Variants in DAB1 observed in about 807,000 individuals in gnomAD.
DAB1 encodes DAB adaptor protein 1.
A neutral mutation model predicts 64.6 loss-of-function variants in DAB1; 15 were observed. That is an observed-to-expected ratio of 0.23 (90% CI 0.16 to 0.36). DAB1 has a LOEUF of 0.36. DAB1 is among the 10% of genes least tolerant of loss of function. The pLI, the probability that DAB1 is intolerant of heterozygous loss-of-function variation, is 1.00. For missense variants in DAB1, 596 were observed against 706.7 expected, an observed-to-expected ratio of 0.84 and a Z score of 1.78; for synonymous variants, 235 against 251.9, an observed-to-expected ratio of 0.93 and a Z score of 0.64.
chr1:58,198,112 T>G (rs543286653), intron 4 of DAB1, among the ~76,000 whole-genome samples: 32 of 152,146 alleles, frequency 2.1e-4, no homozygotes, highest in African/African-American at 7.7e-4. Flanking sequence ...GCTGATAGAG[T>G]TCATCAAGAA....
chr1:58,309,928 C>T (rs1445029509), intron 4 of DAB1, among the ~76,000 whole-genome samples: 1 of 152,150 alleles, frequency 6.6e-6, no homozygotes, highest in Non-Finnish European at 1.5e-5. Flanking sequence ...GTTGAACTGG[C>T]AGACAGCTGG....
chr1:58,431,344 T>G (rs35066974), intron 3 of DAB1, among the ~76,000 whole-genome samples: 30,786 of 152,014 alleles, frequency 0.2, 3,560 homozygotes, highest in Middle Eastern at 0.28. Context: ...TGGATCACTA[T>G]GTCAAGAGAT....
intron 4 of DAB1, among the ~76,000 whole-genome samples, chr1:57,075,752 G>T (rs562016624): frequency 6.6e-6 from 1 of 152,162 alleles, no homozygotes; most frequent in Non-Finnish European, 1.5e-5. Flanking sequence ...AGATTGAAAC[G>T]CCAGGACCAA....
chr1:57,287,998 G>A (rs1207598315), intron 2 of DAB1, among the ~76,000 whole-genome samples: 1 of 152,006 alleles, frequency 6.6e-6, no homozygotes, highest in African/African-American at 2.4e-5. Flanking sequence ...GTTTCACTGT[G>A]TTGGCCAGGC....
At chr1:58,448,636 G>A (rs1557765839) in intron 3 of DAB1, among the ~76,000 whole-genome samples, 1 of 152,182 alleles carries the variant, frequency 6.6e-6, no homozygotes, top group Non-Finnish European at 1.5e-5. Flanking sequence ...GCTAGGAGCA[G>A]CAAGAGCCCA....
chr1:57,257,276 C>G (rs780860501), intron 2 of DAB1, among the ~76,000 whole-genome samples: 1 of 152,176 alleles, frequency 6.6e-6, no homozygotes, highest in Non-Finnish European at 1.5e-5. Context: ...CTAGATGTCT[C>G]CAACACTGCC....
chr1:58,131,319 A>G (rs941820644), intron 5 of DAB1, among the ~76,000 whole-genome samples: 2 of 139,406 alleles, frequency 1.4e-5, no homozygotes, highest in African/African-American at 5.1e-5. Context: ...CAGCTCCTTT[A>G]AGCACTTCTC....
At chr1:58,321,663 C>T (rs750954365) in intron 4 of DAB1, among the ~76,000 whole-genome samples, 10 of 152,352 alleles carry the variant, frequency 6.6e-5, no homozygotes, top group South Asian at 6.2e-4. Context: ...TCACTGCTAG[C>T]GCAGTAGTCT....
chr1:58,150,027 T>A (rs1170149625), intron 5 of DAB1, among the ~76,000 whole-genome samples: 3 of 152,210 alleles, frequency 2.0e-5, no homozygotes, highest in Non-Finnish European at 4.4e-5. Flanking sequence ...TACATTAGCT[T>A]CCATTCATTG....
At chr1:57,040,349 A>G (rs1315168301) in intron 9 of DAB1, among the ~76,000 whole-genome samples, 1 of 152,176 alleles carries the variant, frequency 6.6e-6, no homozygotes, top group Admixed American at 6.5e-5. Flanking sequence ...TCATCATGAT[A>G]GCCAAGATGG....
intron 6 of DAB1, among the ~76,000 whole-genome samples, chr1:57,710,496 T>A (rs1005189370): frequency 6.6e-6 from 1 of 152,228 alleles, no homozygotes; most frequent in Admixed American, 6.5e-5. Context: ...TCAGGCCTTA[T>A]GAGCATGTTC....
intron 3 of DAB1, among the ~76,000 whole-genome samples, chr1:58,489,943 C>T (rs1340750086): frequency 2.6e-5 from 4 of 152,162 alleles, no homozygotes; most frequent in Admixed American, 6.5e-5. Flanking sequence ...CCCATCTGTA[C>T]GTCACCATCA....
chr1:57,636,120 C>CAAAA (rs1164191555), intron 7 of DAB1, among the ~76,000 whole-genome samples: 1 of 93,524 alleles, frequency 1.1e-5, no homozygotes, highest in African/African-American at 3.4e-5. Context: ...AAAACAAAAA[C>CAAAA]AAAAAACTGG....
rs4426003 is a variant in DAB1 at position 57,517,980 on chromosome 1, C to G, written n.625+131612G>C. 6.9e-3 allele frequency among the ~76,000 whole-genome samples: 1,051 copies of G among 152,304 alleles called. 6 individuals are homozygous for G. Among genetic ancestry groups the G allele is most frequent in the Non-Finnish European group, 0.011 (752 of 68,036 alleles). On this transcript the variant is annotated intron_variant and non_coding_transcript_variant, in intron 7 of 20. Transcript: ENST00000485760. Reference sequence around the variant, plus strand: ...TAGCACCCAGCCTCTGTTGTCACACCACCAGTGACACGTTGCTCATTACCT... The same window carrying G: ...TAGCACCCAGCCTCTGTTGTCACACGACCAGTGACACGTTGCTCATTACCT...
intron 6 of DAB1, among the ~76,000 whole-genome samples, chr1:57,652,042 C>A (rs1646262630): frequency 6.6e-6 from 1 of 152,068 alleles, no homozygotes; most frequent in Non-Finnish European, 1.5e-5. Context: ...CTTTGTAAAG[C>A]TAATGAGAAA....
chr1:57,754,734 A>T (rs1025738367), intron 6 of DAB1, among the ~76,000 whole-genome samples: 2 of 152,080 alleles, frequency 1.3e-5, no homozygotes, highest in African/African-American at 2.4e-5. Context: ...AACGAACAAA[A>T]CAATTGCGAT....
chr1:57,216,932 C>G (rs1000559023), intron 2 of DAB1, among the ~76,000 whole-genome samples: 20 of 152,188 alleles, frequency 1.3e-4, no homozygotes, highest in Middle Eastern at 3.2e-3. Flanking sequence ...TAGAGAGGCT[C>G]TAGTAGAATT....
At chr1:57,538,208 TA>T (rs1287656664) in intron 7 of DAB1, among the ~76,000 whole-genome samples, 3 of 152,216 alleles carry the variant, frequency 2.0e-5, no homozygotes. Flanking sequence ...GACATTTTTT[TA>T]ATGTTTTCCT....
chr1:58,348,112 T>A (rs558837479), intron 3 of DAB1, among the ~76,000 whole-genome samples: 126 of 152,264 alleles, frequency 8.3e-4, no homozygotes, highest in Admixed American at 3.3e-3. Flanking sequence ...GCTCTGTTGG[T>A]CCTTTTGCCA....
Sources: gnomAD v4.1 joint callset for allele counts (sites outside exome capture counted in the v4.1 genomes callset) on GRCh38, gnomAD v4.1.1 for gene constraint, MANE v1.5 for transcripts, NCBI Gene and HGNC (gene_info 2026-07-23, HGNC 2026-07-21) for gene names.